The following FOXP1 variants were observed in gnomAD, a reference collection of about 807,000 sequenced individuals.
The protein encoded by FOXP1 is forkhead box P1, also known as forkhead box protein P1.
In FOXP1, 15 loss-of-function variants were observed where a neutral mutation model predicts 98.2. The ratio of observed to expected loss-of-function variants is 0.15; its 90% CI spans 0.10 to 0.24. The LOEUF (loss-of-function observed/expected upper bound fraction) is 0.24, where lower values mean the gene tolerates loss of function less well. FOXP1 is among the 10% of genes least tolerant of loss of function. The pLI is 1.00. For missense variants in FOXP1, 633 were observed against 848.5 expected (o/e 0.75, Z 3.15); for synonymous variants, 371 against 314.5 (o/e 1.18, Z -1.90).
intron 2 of FOXP1, among the ~76,000 whole-genome samples, chr3:71,537,160 C>T (rs1490333465): frequency 1.3e-5 from 2 of 152,174 alleles, no homozygotes; most frequent in Admixed American, 1.3e-4. Context: ...CTCTAAAAAA[C>T]TTGTCACTGC....
At chr3:71,263,468 A>G (rs1431026481) in intron 5 of FOXP1, among the ~76,000 whole-genome samples, 1 of 152,142 alleles carries the variant, frequency 6.6e-6, no homozygotes, top group African/African-American at 2.4e-5. Context: ...CTTCCTTCTC[A>G]GTCAGTGTTC....
chr3:71,005,501 A>G (rs185196681), intron 12 of FOXP1, among the ~76,000 whole-genome samples: 4 of 152,136 alleles, frequency 2.6e-5, no homozygotes, highest in African/African-American at 9.6e-5. Context: ...GAGGATTAAT[A>G]TATTATTTGG....
chr3:71,270,587 T>C (rs1576684594), intron 5 of FOXP1, among the ~76,000 whole-genome samples: 1 of 152,206 alleles, frequency 6.6e-6, no homozygotes, highest in African/African-American at 2.4e-5. Flanking sequence ...ATTTATGCTT[T>C]AAGTGAATGA....
intron 2 of FOXP1, among the ~76,000 whole-genome samples, chr3:71,579,625 C>CTTTTTTTTT (rs2047996009): frequency 9.6e-6 from 1 of 104,312 alleles, no homozygotes; most frequent in African/African-American, 3.8e-5. Context: ...TCTTTTTTTT[C>CTTTTTTTTT]TTTTTTCTTT....
chr3:71,070,858 A>AGCATTCAGGAAGTAGCACTCTTG (rs2053135594), intron 7 of FOXP1, among the ~76,000 whole-genome samples: 2 of 152,338 alleles, frequency 1.3e-5, no homozygotes, highest in Non-Finnish European at 1.5e-5. Context: ...CAACCTCAAA[A>AGCATTCAGGAAGTAGCACTCTTG]GCATTCAGGA....
chr3:71,030,147 G>A (rs746535752), intron 11 of FOXP1, among the ~76,000 whole-genome samples: 1 of 152,150 alleles, frequency 6.6e-6, no homozygotes, highest in Non-Finnish European at 1.5e-5. Context: ...GGTTAACTAG[G>A]TTAAACCCTT....
chr3:71,018,308 G>A (rs189066687), intron 11 of FOXP1, among the ~76,000 whole-genome samples: 1 of 152,200 alleles, frequency 6.6e-6, no homozygotes, highest in East Asian at 1.9e-4. Context: ...AACGCAATCA[G>A]TTATACCTGA....
intron 3 of FOXP1, among the ~76,000 whole-genome samples, chr3:71,417,009 G>A (rs2083272374): frequency 6.6e-6 from 1 of 152,146 alleles, no homozygotes. Context: ...GGGGAGACTG[G>A]GGCGGAACCA....
At chr3:71,365,709 G>A (rs951133348) in intron 3 of FOXP1, among the ~76,000 whole-genome samples, 3 of 152,206 alleles carry the variant, frequency 2.0e-5, no homozygotes, top group African/African-American at 7.2e-5. Flanking sequence ...TTCCGGCTGG[G>A]TGCGGTGGCT....
intron 13 of FOXP1, among the ~76,000 whole-genome samples, chr3:70,989,000 A>T (rs1390107458): frequency 6.6e-6 from 1 of 152,210 alleles, no homozygotes; most frequent in Non-Finnish European, 1.5e-5. Flanking sequence ...TTTAATTTCA[A>T]TACTTTGGTA....
intron 2 of FOXP1, among the ~76,000 whole-genome samples, chr3:71,528,314 T>A (rs2107515834): frequency 6.6e-6 from 1 of 152,344 alleles, no homozygotes; most frequent in Non-Finnish European, 1.5e-5. Flanking sequence ...GTCCCCAAAG[T>A]CATCTGGTAA....
At chr3:71,518,988 G>A (rs978279786) in intron 2 of FOXP1, among the ~76,000 whole-genome samples, 1 of 152,244 alleles carries the variant, frequency 6.6e-6, no homozygotes, top group Non-Finnish European at 1.5e-5. Flanking sequence ...GCTCACGCCT[G>A]TAATCCCAGC....
Position 71,569,356 on chromosome 3 carries a change from T to A in FOXP1, c.-298+12193A>T, listed in dbSNP as rs147515441. The stretch of plus-strand genomic sequence containing the variant: ...CATATCCACAGAAAACACTTGCAAC[T>A]CCACAGGCCCATTACGGCCTTATTC... On this transcript the variant is annotated intron_variant, in intron 2 of 20. Transcript: ENST00000649528. Among the ~76,000 whole-genome samples, 115 of 152,294 alleles carry A rather than the reference T, an allele frequency of 7.6e-4. 1 individual carries two copies. Among genetic ancestry groups the A allele is most frequent in the African/African-American group, 2.6e-3 (108 of 41,570 alleles).
At chr3:70,996,824 T>C (rs1559673992) in intron 13 of FOXP1, among the ~76,000 whole-genome samples, 1 of 152,180 alleles carries the variant, frequency 6.6e-6, no homozygotes, top group Non-Finnish European at 1.5e-5. Context: ...GTGTGGTCTA[T>C]CTCTACCACA....
At chr3:71,415,621 A>G (rs1212166122) in intron 3 of FOXP1, among the ~76,000 whole-genome samples, 1 of 152,216 alleles carries the variant, frequency 6.6e-6, no homozygotes, top group Non-Finnish European at 1.5e-5. Context: ...TCAAGTGAAC[A>G]AAGAAAATGA....
intron 3 of FOXP1, among the ~76,000 whole-genome samples, chr3:71,474,489 A>T (rs1028987793): frequency 5.3e-5 from 8 of 152,174 alleles, no homozygotes; most frequent in Non-Finnish European, 1.2e-4. Context: ...GCTGCACAGC[A>T]GGAGGTCAGC....
In FOXP1 at chr3:71,445,930, G is replaced by A. The variant is rs528843859; in HGVS notation, c.-168+47496C>T. Among the ~76,000 whole-genome samples the A allele has an allele frequency of 6.6e-5, 10 of 152,188 alleles. No individual in the cohort carries two copies. The South Asian group carries it at 1.5e-3, about 22-fold the overall frequency. On this transcript the variant is annotated intron_variant, in intron 3 of 20. Coordinates refer to ENST00000649528, the MANE Select transcript of FOXP1 (RefSeq NM_001349338.3). ...TCAAACTCCTGCCGTCAGGTGATCCGCCCACCTTGGCCTCCCAAAGTGCTG... is the reference window on the plus strand; with the variant it reads ...TCAAACTCCTGCCGTCAGGTGATCCACCCACCTTGGCCTCCCAAAGTGCTG...
rs756777959 is a variant in FOXP1 at position 70,967,710 on chromosome 3, GTT to G, written c.1723-1656_1723-1655del. ...TTGTTTTTTTTTTTTGTTTTTTTTT[GTT>G]TTTTTTTTTTTTTTTTGCAAACTGC... On this transcript the variant is annotated intron_variant, in intron 19 of 20. Transcript: ENST00000649528. Among the ~76,000 whole-genome samples, 688 of 68,830 alleles carry G rather than the reference GTT, an allele frequency of 1.0e-2. 30 individuals are homozygous for G. Among genetic ancestry groups the G allele is most frequent in the African/African-American group, 0.034 (614 of 17,972 alleles). The allele number at this position is 68,830 out of a possible 152,430, so 45.2% of individuals were successfully genotyped here.
intron 3 of FOXP1, among the ~76,000 whole-genome samples, chr3:71,468,875 G>A (rs2089048472): frequency 6.6e-6 from 1 of 152,176 alleles, no homozygotes; most frequent in Non-Finnish European, 1.5e-5. Flanking sequence ...ATCTGAAAGA[G>A]AAAAACGAGC....
Sources: allele counts gnomAD v4.1 joint callset (sites outside exome capture counted in the v4.1 genomes callset), GRCh38; gene constraint gnomAD v4.1.1; transcripts MANE v1.5; gene names NCBI Gene and HGNC (gene_info 2026-07-23, HGNC 2026-07-21).